AGGF1: variants seen among roughly 807,000 people sequenced by gnomAD.
AGGF1 encodes angiogenic factor with G-patch and FHA domains 1.
In AGGF1, 56 loss-of-function variants were observed where a neutral mutation model predicts 86.5. The observed-to-expected ratio is 0.65, with a 90% confidence interval of 0.52 to 0.81. The LOEUF (loss-of-function observed/expected upper bound fraction) is 0.81. Among genes scored for constraint, AGGF1 ranks in the 30% least tolerant of loss-of-function variants. The pLI is 0.00. For synonymous variants in AGGF1, 313 were observed against 297.1 expected (o/e 1.05, Z -0.55); for missense variants, 816 against 850.9 (o/e 0.96, Z 0.51).
At chr5:77,031,066 G>A in intron 1 of AGGF1, 90 bp downstream of exon 1, 1 of 1,354,968 alleles carries the variant, frequency 7.4e-7, no homozygotes, top group South Asian at 1.2e-5. Context: ...CCTGGCAGGG[G>A]CTCAGAACTA....
intron 5 of AGGF1, 76 bp downstream of exon 5, chr5:77,039,795 GACAAT>G: frequency 1.5e-6 from 2 of 1,313,028 alleles, no homozygotes; most frequent in Non-Finnish European, 2.1e-6. Context: ...TTATGAAACT[GACAAT>G]CATTCAATAA....
At chr5:77,037,024 C>T in intron 4 of AGGF1, among the ~76,000 whole-genome samples, 1 of 152,102 alleles carries the variant, frequency 6.6e-6, no homozygotes, top group East Asian at 1.9e-4. Flanking sequence ...AAATATTAAA[C>T]CCTAAGCCGA....
intron 5 of AGGF1, among the ~76,000 whole-genome samples, chr5:77,042,954 G>A (rs1453802304): frequency 3.0e-5 from 2 of 67,014 alleles, no homozygotes; most frequent in African/African-American, 4.9e-5. Context: ...GGCCGGGCGG[G>A]GGGCCGACCC....
chr5:77,038,646 A>T (rs2150728092), intron 4 of AGGF1, among the ~76,000 whole-genome samples: 1 of 152,330 alleles, frequency 6.6e-6, no homozygotes, highest in East Asian at 1.9e-4. Flanking sequence ...AAATGCATGG[A>T]TTAAAGACAA....
Position 77,030,787 on chromosome 5 carries a change from CCCGCCGCGGTCGCCG to C in AGGF1, c.29_43del (p.Arg10_Pro14del). On this transcript the variant is annotated inframe_deletion, in exon 1 of 14. Coordinates refer to ENST00000312916, the MANE Select transcript of AGGF1 (RefSeq NM_018046.5). ...AGCTCATGGCCTCGGAGGCGCCGTC[CCCGCCGCGGTCGCCG>C]CCGCCGCCCACCTCCCCCGAGCCTG... is the stretch of plus-strand genomic sequence containing the variant. The C allele has an allele frequency of 6.3e-7, 1 of 1,587,838 alleles. No individual in the cohort carries two copies.
chr5:77,048,108 A>T, intron 6 of AGGF1, 53 bp from the exon 7 acceptor site: 1 of 1,155,056 alleles, frequency 8.7e-7, no homozygotes, highest in African/African-American at 1.5e-5. Flanking sequence ...ATCCCTATGA[A>T]GTTCTTTTTC....
At chr5:77,057,576 T>A (rs1179363672) in intron 11 of AGGF1, among the ~76,000 whole-genome samples, 1 of 152,178 alleles carries the variant, frequency 6.6e-6, no homozygotes, top group East Asian at 1.9e-4. Context: ...CGGAACACAC[T>A]CTCATACAAG....
At chr5:77,043,720 G>A (rs1161629778) in intron 5 of AGGF1, among the ~76,000 whole-genome samples, 32 of 133,836 alleles carry the variant, frequency 2.4e-4, no homozygotes, top group Non-Finnish European at 4.1e-4. Context: ...GCTGCCGGGC[G>A]GAGACGCTCC....
At chr5:77,041,981 C>G (rs1009423142) in intron 5 of AGGF1, among the ~76,000 whole-genome samples, 39 of 151,012 alleles carry the variant, frequency 2.6e-4, no homozygotes, top group African/African-American at 8.7e-4. Flanking sequence ...GTTTGTGTCC[C>G]TGGGTACTTG....
At chr5:77,052,631 C>T in intron 8 of AGGF1, 75 bp from the exon 9 acceptor site, 1 of 1,025,822 alleles carries the variant, frequency 9.7e-7, no homozygotes, top group Non-Finnish European at 1.5e-6. Context: ...AAGTTAACAT[C>T]ATCATATCAT....
chr5:77,040,829 T>TTGTCCTTCTGTCCTGTCCTGTTC (rs1489383323), intron 5 of AGGF1, among the ~76,000 whole-genome samples: 4 of 152,198 alleles, frequency 2.6e-5, no homozygotes, highest in Non-Finnish European at 4.4e-5. Flanking sequence ...CTGTCCTGTC[T>TTGTCCTTCTGTCCTGTCCTGTTC]TGTCCTTCTG....
intron 11 of AGGF1, 102 bp from the exon 12 acceptor site, chr5:77,059,514 T>C (rs2150735390): frequency 9.5e-7 from 1 of 1,048,514 alleles, no homozygotes; most frequent in East Asian, 2.6e-5. Flanking sequence ...TCATTGTTTA[T>C]AGAGGCCACA....
intron 5 of AGGF1, among the ~76,000 whole-genome samples, chr5:77,041,806 T>C (rs1747091446): frequency 7.2e-6 from 1 of 139,218 alleles, no homozygotes; most frequent in South Asian, 2.2e-4. Context: ...TATTTATTTA[T>C]TTATTTATTT....
chr5:77,031,562 A>G (rs1208885318), intron 1 of AGGF1, among the ~76,000 whole-genome samples: 1 of 152,124 alleles, frequency 6.6e-6, no homozygotes, highest in Non-Finnish European at 1.5e-5. Flanking sequence ...CGTTTCCAAG[A>G]TGGTAGGGGC....
At chr5:77,036,097 C>T (rs1746963031) in intron 3 of AGGF1, 2 of 261,640 alleles carry the variant, frequency 7.6e-6, no homozygotes, top group South Asian at 1.0e-4. Context: ...TGCCACTATT[C>T]AAATTTCCCT....
intron 1 of AGGF1, among the ~76,000 whole-genome samples, chr5:77,033,735 T>G (rs997961824): frequency 1.3e-5 from 2 of 152,224 alleles, no homozygotes; most frequent in African/African-American, 2.4e-5. Context: ...GTAGTAGACA[T>G]TGTCTCACAT....
chr5:77,043,883 G>A (rs1300233964), intron 5 of AGGF1, among the ~76,000 whole-genome samples: 12 of 140,556 alleles, frequency 8.5e-5, no homozygotes, highest in Non-Finnish European at 1.7e-4. Context: ...GGGCAGAGAC[G>A]CTCGTCACCT....
At chr5:77,055,301 G>T (rs978611185) in intron 10 of AGGF1, among the ~76,000 whole-genome samples, 3 of 152,058 alleles carry the variant, frequency 2.0e-5, no homozygotes, top group African/African-American at 7.2e-5. Context: ...CCTATTATCT[G>T]TGGTTTTTGC....
chr5:77,062,014 T>G (rs140990918), intron 13 of AGGF1, among the ~76,000 whole-genome samples: 5 of 152,334 alleles, frequency 3.3e-5, no homozygotes, highest in African/African-American at 1.2e-4. Context: ...TGAGTTTTTT[T>G]CCCTACATTA....
Sources: gnomAD v4.1 joint callset for allele counts (sites outside exome capture counted in the v4.1 genomes callset) on GRCh38, gnomAD v4.1.1 for gene constraint, MANE v1.5 for transcripts, NCBI Gene and HGNC (gene_info 2026-07-23, HGNC 2026-07-21) for gene names.